The following ZNF878 variants were observed in gnomAD, a reference collection of about 807,000 sequenced individuals.
The protein encoded by ZNF878 is zinc finger protein 878.
In ZNF878, 10 loss-of-function variants were observed where a neutral mutation model predicts 11.1. The observed-to-expected ratio is 0.90, with a 90% confidence interval of 0.56 to 1.53. ZNF878 has a LOEUF of 1.53. Among genes scored for constraint, ZNF878 ranks in the 40% most tolerant of loss-of-function variants. The pLI is 0.00. For missense variants in ZNF878, 548 were observed against 626.1 expected, an observed-to-expected ratio of 0.88 and a Z score of 1.33; for synonymous variants, 165 against 209.7, an observed-to-expected ratio of 0.79 and a Z score of 1.84.
intron 1 of ZNF878, among the ~76,000 whole-genome samples, chr19:12,051,040 G>T (rs541447723): frequency 6.9e-6 from 1 of 145,908 alleles, no homozygotes; most frequent in East Asian, 2.1e-4. Context: ...AGCTTGCAGT[G>T]AGCAGAGATC....
rs1037270400 is a variant in ZNF878, at chr19:12,051,453, C to T, written c.3+1346G>A. Among the ~76,000 whole-genome samples the T allele has an allele frequency of 8.8e-5, 13 of 147,598 alleles. 1 individual carries two copies. The highest frequency in any genetic ancestry group is 3.2e-4 in the African/African-American group (13 of 40,510). On this transcript the variant is annotated intron_variant, in intron 1 of 3. Coordinates refer to ENST00000547628, the MANE Select transcript of ZNF878 (RefSeq NM_001080404.3). ...TTTGCCTATATAAGAAGGAGCTTAA[C>T]TTTTTTTTTTTGAGACAGTCTCATT...
Position 12,046,661 on chromosome 19 carries a change from C to T in ZNF878, c.103G>A (p.Glu35Lys), listed in dbSNP as rs773090163. 4.3e-6 allele frequency: 7 copies of T among 1,613,934 alleles called. No homozygotes were observed. The highest frequency in any genetic ancestry group is 8.5e-7 in the Non-Finnish European group (1 of 1,180,002). The part of the protein sequence containing the change: ...QKNLYREVMQ[E>K]TLRNLTSIGK... ...ATGGAGGTCAGGTTCCTCAAGGTTTCCTGCATCACTTCCCTGTAGAGATTT... is the reference window on the plus strand; with the variant it reads ...ATGGAGGTCAGGTTCCTCAAGGTTTTCTGCATCACTTCCCTGTAGAGATTT... Residue 35 changes from glutamate (E) to lysine (K), a missense_variant, in exon 2 of 4, where the codon GAA (glutamate) becomes AAA (lysine). By Grantham distance (56) the Glu-to-Lys change is moderately conservative (BLOSUM62 1). Coordinates refer to ENST00000547628, the MANE Select transcript of ZNF878 (RefSeq NM_001080404.3).
rs1975493149 is a variant in ZNF878, at chr19:12,046,665, C to T, written c.99G>A (p.Met33Ile). ...PSQKNLYREVMQETLRNLTSI... is the reference protein window; with the variant it reads ...PSQKNLYREVIQETLRNLTSI... ...AGGTCAGGTTCCTCAAGGTTTCCTG[C>T]ATCACTTCCCTGTAGAGATTTTTCT... Residue 33 changes from methionine to isoleucine, a missense_variant, in exon 2 of 4, where the codon ATG becomes ATA. Coordinates refer to ENST00000547628, the MANE Select transcript of ZNF878 (RefSeq NM_001080404.3). 2 of 1,614,074 alleles carry T rather than the reference C, an allele frequency of 1.2e-6. No individual in the cohort carries two copies. The highest frequency in any genetic ancestry group is 1.7e-5 in the Admixed American group (1 of 59,998).
At chr19:12,043,693 G>A, downstream of ZNF878, 1 of 1,091,846 alleles carries the variant, frequency 9.2e-7, no homozygotes, top group Non-Finnish European at 1.3e-6. Flanking sequence ...CTCCTGCCTT[G>A]GCTTCCCAAA....
chr19:12,047,875 A>C (rs927654383), intron 1 of ZNF878, among the ~76,000 whole-genome samples: 2 of 152,138 alleles, frequency 1.3e-5, no homozygotes, highest in African/African-American at 2.4e-5. Flanking sequence ...CCATACATAC[A>C]CTCTACTGGC....
intron 2 of ZNF878, 53 bp from the exon 3 acceptor site, chr19:12,046,481 A>G (rs180901779): frequency 3.8e-5 from 59 of 1,561,120 alleles, no homozygotes; most frequent in East Asian, 1.6e-4. Flanking sequence ...ATTATTTTAA[A>G]AAGTTACTTG....
At position 12,046,348 on chromosome 19, in the gene ZNF878, CTCTTT is replaced by C. The variant is rs1171513242; in HGVS notation, c.191+15_191+19del. On this transcript the variant is annotated intron_variant, in intron 3 of 3. Transcript: ENST00000547628. ...AGATTGTATACAGAGACATTGTTTT[CTCTTT>C]TAAGTGCCAGTTACCTTAGGTTTCT... The C allele has an allele frequency of 6.5e-6, 10 of 1,528,562 alleles. No individual in the cohort carries two copies. In the South Asian group the frequency reaches 9.8e-5, roughly 15 times the overall value. 94.7% of individuals were successfully genotyped at this position (1,528,562 alleles called of 1,614,324 possible).
intron 1 of ZNF878, among the ~76,000 whole-genome samples, chr19:12,050,818 C>A (rs1015736108): frequency 4.0e-5 from 6 of 151,652 alleles, no homozygotes; most frequent in Non-Finnish European, 5.9e-5. Context: ...AAACCGGCCG[C>A]GCGCGGTGGC....
intron 1 of ZNF878, among the ~76,000 whole-genome samples, chr19:12,050,529 A>G (rs1427556429): frequency 2.0e-5 from 3 of 152,196 alleles, no homozygotes; most frequent in Non-Finnish European, 4.4e-5. Flanking sequence ...GTTTAAAGGA[A>G]TGCCATTCTG....
At position 12,052,914 on chromosome 19, in the gene ZNF878, G is replaced by T. The variant is rs994129752; in HGVS notation, c.-113C>A. The stretch of plus-strand genomic sequence containing the variant: ...ACGGCGGAAGTAACTGGTCCCTCTC[G>T]GAGCAAGAAAGCCCCAGACCTTAAC... On this transcript the variant is annotated 5_prime_UTR_variant, in exon 1 of 4. Transcript: ENST00000547628. 6.8e-7 allele frequency: 1 copy of T among 1,469,898 alleles called. No homozygotes were observed. The highest frequency in any genetic ancestry group is 1.4e-5 in the African/African-American group (1 of 71,740). The allele number at this position is 1,469,898 out of a possible 1,614,324, so 91.1% of individuals were successfully genotyped here.
intron 1 of ZNF878, 129 bp from the exon 2 acceptor site, chr19:12,046,889 C>A: frequency 1.5e-6 from 2 of 1,354,456 alleles, no homozygotes; most frequent in South Asian, 2.8e-5. Context: ...ATGACTTGGT[C>A]ATCAGATCCC....
intron 1 of ZNF878, among the ~76,000 whole-genome samples, chr19:12,051,914 A>G (rs1599392389): frequency 6.6e-6 from 1 of 152,230 alleles, no homozygotes; most frequent in Non-Finnish European, 1.5e-5. Context: ...TCTCAAAAAT[A>G]TAAAAATCTG....
chr19:12,043,701 A>C, downstream of ZNF878: 1 of 1,225,694 alleles, frequency 8.2e-7, no homozygotes, highest in South Asian at 1.6e-5. Flanking sequence ...TTGGCTTCCC[A>C]AAATGCTGAG....
chr19:12,045,028 T>G lies in ZNF878; in HGVS notation c.373A>C (p.Ser125Arg), dbSNP rs1975456076. ...TGTATTGCAAGGCTACTGGAATAAC[T>G]AAAGGCTCTGAGGTGCCTATTAAGG... Reference protein sequence around the residue: ...SSLNRHLRAFSYSSSLAIHGR... With the variant: ...SSLNRHLRAFRYSSSLAIHGR... The change falls in exon 4 of 4, where the codon AGT becomes CGT. Residue 125 changes from serine (S) to arginine (R), a missense_variant. Coordinates refer to ENST00000547628, the MANE Select transcript of ZNF878 (RefSeq NM_001080404.3). 6.2e-7 allele frequency: 1 copy of G among 1,614,002 alleles called. No homozygotes were observed. Among genetic ancestry groups the G allele is most frequent in the Admixed American group, 1.7e-5 (1 of 60,000 alleles).
In ZNF878 at chr19:12,046,657, GTT is replaced by G; in HGVS notation, c.105_106del (p.Glu35AspfsTer18). The G allele has an allele frequency of 6.2e-7, 1 of 1,613,880 alleles. No homozygotes were observed. Among genetic ancestry groups the G allele is most frequent in the Non-Finnish European group, 8.5e-7 (1 of 1,179,968 alleles). ...ACCTATGGAGGTCAGGTTCCTCAAG[GTT>G]TCCTGCATCACTTCCCTGTAGAGAT... On this transcript the variant is annotated frameshift_variant, in exon 2 of 4. Coordinates refer to ENST00000547628, the MANE Select transcript of ZNF878 (RefSeq NM_001080404.3). LOFTEE classifies it high-confidence loss of function.
intron 3 of ZNF878, 66 bp from the exon 4 acceptor site, chr19:12,045,275 A>G: frequency 7.5e-7 from 1 of 1,332,048 alleles, no homozygotes; most frequent in South Asian, 1.5e-5. Flanking sequence ...CAAGTATTAC[A>G]CTTGCATTTT....
rs542435276 is a variant in ZNF878 at position 12,050,415 on chromosome 19, A to T, written c.3+2384T>A. ...AAATTTAGGCTTAACCAGGCACAAT[A>T]GGTCAATTAATCTCTGATTACATAA... On this transcript the variant is annotated intron_variant, in intron 1 of 3. Coordinates refer to ENST00000547628, the MANE Select transcript of ZNF878 (RefSeq NM_001080404.3). 3.0e-3 allele frequency among the ~76,000 whole-genome samples: 455 copies of T among 152,294 alleles called. 5 individuals carry two copies. The highest frequency in any genetic ancestry group is 0.01 in the African/African-American group (430 of 41,560).
At position 12,043,932 on chromosome 19, in the gene ZNF878, G is replaced by A; in HGVS notation, c.1469C>T (p.Ser490Phe). Residue 490 changes from serine (S) to phenylalanine (F), a missense_variant, in exon 4 of 4, where the codon TCT (serine) becomes TTT (phenylalanine). Physicochemically the swap from Ser to Phe is radical, Grantham distance 155. Around this residue, in one of 3 missense-constraint regions of ZNF878, gnomAD observed 335 missense variants for 358.2 expected, o/e 0.94. Coordinates refer to ENST00000547628, the MANE Select transcript of ZNF878 (RefSeq NM_001080404.3). The stretch of plus-strand genomic sequence containing the variant: ...TTCATGGTAGAGAAAAGAGTTGGAA[G>A]AAATGAAGGCTTTCCCACACTGTTT... The part of the protein sequence containing the change: ...KCKQCGKAFI[S>F]SNSFLYHERI... The A allele has an allele frequency of 1.2e-6, 2 of 1,614,064 alleles. No individual in the cohort carries two copies. Among genetic ancestry groups the A allele is most frequent in the Non-Finnish European group, 1.7e-6 (2 of 1,180,020 alleles).
In ZNF878 at chr19:12,044,458, G is replaced by C. The variant is rs1975440011; in HGVS notation, c.943C>G (p.Leu315Val). ...GAAGAAATAAATCCCTTACCACATA[G>C]CTTACACTCATAGGGTTTCTCTCCA... ...HTGEKPYECK[L>V]CGKGFISSTS... The change falls in exon 4 of 4, where the codon CTA becomes GTA. Residue 315 changes from leucine to valine, a missense_variant. Physicochemically the swap from Leu to Val is conservative, Grantham distance 32. Transcript: ENST00000547628. 6.2e-7 allele frequency: 1 copy of C among 1,613,644 alleles called. No homozygotes were observed. The highest frequency in any genetic ancestry group is 8.5e-7 in the Non-Finnish European group (1 of 1,179,938).
Sources: allele counts gnomAD v4.1 joint callset (sites outside exome capture counted in the v4.1 genomes callset), GRCh38; gene constraint gnomAD v4.1.1; regional missense constraint gnomAD v4.1.1; transcripts MANE v1.5; gene names NCBI Gene and HGNC (gene_info 2026-07-23, HGNC 2026-07-21).